SGCZ: variants seen among roughly 807,000 people sequenced by gnomAD.
SGCZ encodes the protein zeta-sarcoglycan.
A neutral mutation model predicts 41.3 loss-of-function variants in SGCZ; 40 were observed. The ratio of observed to expected loss-of-function variants is 0.97; its 90% confidence interval spans 0.75 to 1.26. SGCZ has a LOEUF of 1.26. Among genes scored for constraint, SGCZ ranks in the 50% most tolerant of loss-of-function variants. The probability of loss-of-function intolerance (pLI) is 0.00; values close to 1 mark genes in which losing one functional copy is unlikely to be tolerated. For synonymous variants in SGCZ, 206 were observed against 137.5 expected, an observed-to-expected ratio of 1.50 and a Z score of -3.49; for missense variants, 552 against 369.8, an observed-to-expected ratio of 1.49 and a Z score of -4.04.
chr8:14,566,373 T>C (rs958977753), intron 1 of SGCZ, among the ~76,000 whole-genome samples: 6 of 152,068 alleles, frequency 3.9e-5, no homozygotes, highest in African/African-American at 1.2e-4. Flanking sequence ...ATGGCCATCA[T>C]AAGATGGGGC....
intron 1 of SGCZ, among the ~76,000 whole-genome samples, chr8:14,907,843 T>C (rs1799165081): frequency 6.6e-6 from 1 of 152,154 alleles, no homozygotes; most frequent in Non-Finnish European, 1.5e-5. Context: ...TATTAAAACA[T>C]ACCAAGTACA....
chr8:15,051,483 C>T (rs967905882), intron 1 of SGCZ, among the ~76,000 whole-genome samples: 4 of 152,024 alleles, frequency 2.6e-5, no homozygotes, highest in Admixed American at 6.6e-5. Flanking sequence ...TTTTCTCATA[C>T]ATCTCTTGGT....
At chr8:14,265,331 T>A (rs578104740) in intron 3 of SGCZ, among the ~76,000 whole-genome samples, 1 of 152,196 alleles carries the variant, frequency 6.6e-6, no homozygotes, top group Non-Finnish European at 1.5e-5. Context: ...ACAAAAGACG[T>A]CATTTTCTTT....
At chr8:14,607,405 A>G (rs1448964977) in intron 1 of SGCZ, among the ~76,000 whole-genome samples, 2 of 152,178 alleles carry the variant, frequency 1.3e-5, no homozygotes, top group Non-Finnish European at 2.9e-5. Flanking sequence ...GATGGATTTC[A>G]TGCCCTATAC....
At chr8:14,256,290 T>TA (rs1250049924) in intron 3 of SGCZ, among the ~76,000 whole-genome samples, 4 of 152,112 alleles carry the variant, frequency 2.6e-5, no homozygotes, top group African/African-American at 9.7e-5. Flanking sequence ...GTATGAGACA[T>TA]AGATTTTTGC....
At chr8:14,548,562 C>T (rs1803702375) in intron 2 of SGCZ, among the ~76,000 whole-genome samples, 1 of 151,958 alleles carries the variant, frequency 6.6e-6, no homozygotes, top group African/African-American at 2.4e-5. Flanking sequence ...ATCAAAATTC[C>T]ACGAGAAATG....
rs527773485 is a variant in SGCZ at position 14,375,669 on chromosome 8, A to G, written c.235-51465T>C. ...AGAACATATATATGAAAGTTACACA[A>G]CTGTGGAAAATAACACCTCATACCC... On this transcript the variant is annotated intron_variant, in intron 2 of 7. Coordinates refer to ENST00000382080, the MANE Select transcript of SGCZ (RefSeq NM_139167.4). Among the ~76,000 whole-genome samples the G allele has an allele frequency of 2.6e-3, 403 of 152,312 alleles. 2 individuals carry two copies. The highest frequency in any genetic ancestry group is 8.1e-3 in the African/African-American group (336 of 41,574).
At chr8:14,098,577 T>C (rs185909049) in intron 7 of SGCZ, among the ~76,000 whole-genome samples, 8 of 152,320 alleles carry the variant, frequency 5.3e-5, no homozygotes, top group Admixed American at 4.6e-4. Flanking sequence ...CCTCAAGCTC[T>C]GAAAATGCCA....
chr8:14,874,456 G>C (rs1288851808), intron 1 of SGCZ, among the ~76,000 whole-genome samples: 2 of 151,886 alleles, frequency 1.3e-5, no homozygotes, highest in African/African-American at 4.8e-5. Flanking sequence ...AAAAATCCTT[G>C]GGGATGGGAG....
Position 14,553,309 on chromosome 8 carries a change from G to A in SGCZ, c.234+1423C>T, listed in dbSNP as rs1271825706. Among the ~76,000 whole-genome samples, 6 of 152,122 alleles carry A rather than the reference G, an allele frequency of 3.9e-5. No individual in the cohort carries two copies. The East Asian group carries it at 7.8e-4, about 20-fold the overall frequency. ...GATGCATTCCCAGAGAATCTCATAA[G>A]GGAGAATGTACCTACAAGCCTTCAA... is the stretch of plus-strand genomic sequence containing the variant. On this transcript the variant is annotated intron_variant, in intron 2 of 7. Transcript: ENST00000382080.
At chr8:14,976,107 C>T (rs1801470444) in intron 1 of SGCZ, among the ~76,000 whole-genome samples, 1 of 151,366 alleles carries the variant, frequency 6.6e-6, no homozygotes. Context: ...ACTGTAACCT[C>T]TGCCTCCTGG....
intron 1 of SGCZ, among the ~76,000 whole-genome samples, chr8:14,612,994 AT>A: frequency 6.6e-6 from 1 of 152,208 alleles, no homozygotes; most frequent in African/African-American, 2.4e-5. Context: ...GAAAAAGCAG[AT>A]TTTTTAAAGA....
intron 1 of SGCZ, among the ~76,000 whole-genome samples, chr8:14,710,633 G>A (rs1809486397): frequency 6.6e-6 from 1 of 151,902 alleles, no homozygotes; most frequent in African/African-American, 2.4e-5. Flanking sequence ...ACGAAAAAAT[G>A]TCTTTCAAAT....
intron 1 of SGCZ, among the ~76,000 whole-genome samples, chr8:14,784,927 T>TAC (rs1800713968): frequency 1.3e-5 from 1 of 76,748 alleles, no homozygotes; most frequent in African/African-American, 4.4e-5. Flanking sequence ...TATATATATA[T>TAC]ATATATAAAA....
intron 3 of SGCZ, among the ~76,000 whole-genome samples, chr8:14,250,769 T>A (rs1472721943): frequency 6.6e-6 from 1 of 152,178 alleles, no homozygotes; most frequent in African/African-American, 2.4e-5. Flanking sequence ...GACTTACATG[T>A]CCCAGCGCTC....
At chr8:15,191,124 T>C (rs1029844990) in intron 1 of SGCZ, among the ~76,000 whole-genome samples, 2 of 152,096 alleles carry the variant, frequency 1.3e-5, no homozygotes, top group African/African-American at 2.4e-5. Context: ...AGCTTAATAA[T>C]TGTGCAGTGC....
At chr8:14,360,419 A>G (rs984351537) in intron 2 of SGCZ, among the ~76,000 whole-genome samples, 2 of 151,432 alleles carry the variant, frequency 1.3e-5, no homozygotes, top group African/African-American at 2.4e-5. Context: ...TCCGCCTCCT[A>G]GGTTCAACTG....
At chr8:15,035,785 A>C (rs1274039421) in intron 1 of SGCZ, among the ~76,000 whole-genome samples, 1 of 152,130 alleles carries the variant, frequency 6.6e-6, no homozygotes, top group African/African-American at 2.4e-5. Context: ...AAGAGAATAT[A>C]ACAATTATTA....
At chr8:14,628,531 G>T (rs1806538168) in intron 1 of SGCZ, among the ~76,000 whole-genome samples, 1 of 151,982 alleles carries the variant, frequency 6.6e-6, no homozygotes, top group Admixed American at 6.6e-5. Flanking sequence ...CTACCCTCAA[G>T]TCCTCAAATA....
Sources: gnomAD v4.1 joint callset for allele counts (sites outside exome capture counted in the v4.1 genomes callset) on GRCh38, gnomAD v4.1.1 for gene constraint, MANE v1.5 for transcripts, NCBI Gene and HGNC (gene_info 2026-07-23, HGNC 2026-07-21) for gene names.